Variants in KIF5B observed in about 807,000 individuals in gnomAD.
KIF5B encodes kinesin family member 5B.
KIF5B carries 49 observed loss-of-function variants against 132.8 expected under a neutral mutation model. The observed-to-expected ratio is 0.37, with a 90% CI of 0.29 to 0.47. KIF5B has a LOEUF of 0.47. Ranked by LOEUF, KIF5B falls within the 20% of genes least tolerant of loss-of-function variation. The probability of loss-of-function intolerance (pLI) is 1.00; values close to 1 mark genes in which losing one functional copy is unlikely to be tolerated. For synonymous variants in KIF5B, 355 were observed against 369.4 expected, an observed-to-expected ratio of 0.96 and a Z score of 0.45; for missense variants, 780 against 1,144.0, an observed-to-expected ratio of 0.68 and a Z score of 4.59.
At chr10:32,030,919 T>A (rs1471038885) in intron 14 of KIF5B, among the ~76,000 whole-genome samples, 154 bp downstream of exon 14, 1 of 152,148 alleles carries the variant, frequency 6.6e-6, no homozygotes, top group Non-Finnish European at 1.5e-5. Flanking sequence ...CTCTAAGGCT[T>A]CATATACAGA....
At chr10:32,033,043 A>C (rs1049624972) in intron 12 of KIF5B, among the ~76,000 whole-genome samples, 1 of 152,192 alleles carries the variant, frequency 6.6e-6, no homozygotes, top group African/African-American at 2.4e-5. Context: ...ATTTTCTTCT[A>C]ATCTCTTTAC....
In KIF5B at chr10:32,056,074, G is replaced by C. The variant is rs374831159; in HGVS notation, c.-101C>G. 3.1e-5 allele frequency: 44 copies of C among 1,442,200 alleles called. No homozygotes were observed. The highest frequency in any genetic ancestry group is 4.9e-4 in the Middle Eastern group (2 of 4,058). The allele number at this position is 1,442,200 out of a possible 1,614,324, so 89.3% of individuals were successfully genotyped here. On this transcript the variant is annotated 5_prime_UTR_variant, in exon 1 of 26. Coordinates refer to ENST00000302418, the MANE Select transcript of KIF5B (RefSeq NM_004521.3). ...GGGCTTGTGGTCGCGAGGGCCGTGA[G>C]AGGCAGCAGTCAGCTGCGCCGCGCT...
At chr10:32,030,740 C>T (rs1418371176) in intron 14 of KIF5B, among the ~76,000 whole-genome samples, 2 of 152,128 alleles carry the variant, frequency 1.3e-5, no homozygotes, top group Admixed American at 6.5e-5. Flanking sequence ...TATTGGGCAA[C>T]TAGCAGCTTT....
At chr10:32,039,651 C>T (rs1310544566) in intron 3 of KIF5B, among the ~76,000 whole-genome samples, 1 of 152,136 alleles carries the variant, frequency 6.6e-6, no homozygotes, top group Non-Finnish European at 1.5e-5. Context: ...TTCATTTAAT[C>T]ACTAGATTTA....
At chr10:32,014,005 A>C (rs866044633) in intron 25 of KIF5B, among the ~76,000 whole-genome samples, 81 of 152,340 alleles carry the variant, frequency 5.3e-4, no homozygotes, top group African/African-American at 1.6e-3. Context: ...AGTATAAACA[A>C]GCAACATTAA....
chr10:32,014,804 ATC>A (rs1457852081), intron 25 of KIF5B, among the ~76,000 whole-genome samples: 2 of 152,194 alleles, frequency 1.3e-5, no homozygotes, highest in Admixed American at 6.5e-5. Context: ...TCTGGAAATA[ATC>A]TCTAACAGGT....
At chr10:32,045,857 TA>T (rs1278064377) in intron 2 of KIF5B, among the ~76,000 whole-genome samples, 2 of 152,170 alleles carry the variant, frequency 1.3e-5, no homozygotes, top group Non-Finnish European at 2.9e-5. Flanking sequence ...ATCGTATAGG[TA>T]AGAGGCTCTG....
chr10:32,056,409 G>A lies in KIF5B; in HGVS notation c.-436C>T, dbSNP rs1841766179. The A allele has an allele frequency of 2.8e-5, 5 of 178,004 alleles. No individual in the cohort carries two copies. Among genetic ancestry groups the A allele is most frequent in the Admixed American group, 1.9e-4 (3 of 15,494 alleles). The allele number at this position is 178,004 out of a possible 1,614,324, so 11.0% of individuals were successfully genotyped here. A position where few individuals can be genotyped will look rare whatever the true frequency, so the allele number is the denominator to read the frequency against. On this transcript the variant is annotated 5_prime_UTR_variant, in exon 1 of 26. Coordinates refer to ENST00000302418, the MANE Select transcript of KIF5B (RefSeq NM_004521.3). ...CCGACTGCTGCCCGATCACTCCTGA[G>A]GCCGCCGTTGGGCGACAGGGCGGTG...
At chr10:32,045,545 C>T (rs1419752423) in intron 2 of KIF5B, among the ~76,000 whole-genome samples, 1 of 152,064 alleles carries the variant, frequency 6.6e-6, no homozygotes, top group Non-Finnish European at 1.5e-5. Context: ...GGATTACGTT[C>T]CAGGGATAAA....
At position 32,015,571 on chromosome 10, in the gene KIF5B, G is replaced by A. The variant is rs1192130595; in HGVS notation, c.2850C>T (p.Ser950=). The part of the protein sequence containing the change: ...IRGGGAFVQN[S]QPVAVRGGGG... ...CTCCACCTCGCACTGCCACTGGCTG[G>A]CTGTTCTGAACAAATGCACCTCCTC... The change falls in exon 25 of 26, where the codon AGC becomes AGT. Residue 950 remains serine (S), a synonymous_variant. Transcript: ENST00000302418. 2 of 1,613,414 alleles carry A rather than the reference G, an allele frequency of 1.2e-6. No individual in the cohort carries two copies. The highest frequency in any genetic ancestry group is 2.7e-5 in the African/African-American group (2 of 74,898).
chr10:32,023,058 A>G (rs1397194400), intron 15 of KIF5B, 22 bp from the exon 16 acceptor site: 1 of 1,471,988 alleles, frequency 6.8e-7, no homozygotes, highest in Non-Finnish European at 9.1e-7. Flanking sequence ...AAGTAAAATA[A>G]AAAATTAAAG....
Position 32,035,892 on chromosome 10 carries a change from T to C in KIF5B, c.814A>G (p.Ser272Gly), listed in dbSNP as rs1841455056. 2.5e-6 allele frequency: 4 copies of C among 1,609,498 alleles called. No individual in the cohort carries two copies. Among genetic ancestry groups the C allele is most frequent in the Non-Finnish European group, 3.4e-6 (4 of 1,177,704 alleles). The change falls in exon 9 of 26, where the codon AGT becomes GGT. Residue 272 changes from serine to glycine, a missense_variant and splice_region_variant. Physicochemically the swap from Ser to Gly is moderately conservative, Grantham distance 56. Coordinates refer to ENST00000302418, the MANE Select transcript of KIF5B (RefSeq NM_004521.3). The part of the protein sequence containing the change: ...GNVISALAEG[S>G]TYVPYRDSKM... ...AGATAGAAGACATGTATACTCACAC[T>C]ACCCTCAGCCAAAGCAGAAATAACA...
At chr10:32,024,004 C>T (rs1221143683) in intron 15 of KIF5B, among the ~76,000 whole-genome samples, 2 of 145,016 alleles carry the variant, frequency 1.4e-5, no homozygotes, top group East Asian at 4.0e-4. Context: ...GTAAGTTGGA[C>T]CTCATTAAAA....
Position 32,048,461 on chromosome 10 carries a change from T to C in KIF5B, c.214+3A>G. ...GACAACTCAGCAGGTTGAATATATT[T>C]ACCTTTAACAATCTTCTTTGCACAG... On this transcript the variant is annotated splice_donor_region_variant and intron_variant, in intron 2 of 25. Coordinates refer to ENST00000302418, the MANE Select transcript of KIF5B (RefSeq NM_004521.3). 1 of 1,594,886 alleles carries C rather than the reference T, an allele frequency of 6.3e-7. No individual in the cohort carries two copies. Among genetic ancestry groups the C allele is most frequent in the African/African-American group, 1.3e-5 (1 of 74,514 alleles).
In KIF5B at chr10:32,056,325, C is replaced by G. The variant is rs1841763996; in HGVS notation, c.-352G>C. Reference sequence around the variant, plus strand: ...GACCGGGAGAGTGGCCACCTTCTTCCTCCTCGCGAAGAGCAGGCCGGGCCT... The same window carrying G: ...GACCGGGAGAGTGGCCACCTTCTTCGTCCTCGCGAAGAGCAGGCCGGGCCT... On this transcript the variant is annotated 5_prime_UTR_variant, in exon 1 of 26. Transcript: ENST00000302418. 1 of 273,434 alleles carries G rather than the reference C, an allele frequency of 3.7e-6. No homozygotes were observed. Among genetic ancestry groups the G allele is most frequent in the African/African-American group, 2.3e-5 (1 of 42,694 alleles). The allele number at this position is 273,434 out of a possible 1,614,324, so 16.9% of individuals were successfully genotyped here.
intron 15 of KIF5B, among the ~76,000 whole-genome samples, chr10:32,027,826 C>T (rs971645925): frequency 1.3e-5 from 2 of 151,792 alleles, no homozygotes; most frequent in Admixed American, 6.6e-5. Context: ...TGGTCTCGAA[C>T]TCCTGGGCTC....
chr10:32,045,754 G>A (rs1841599769), intron 2 of KIF5B, among the ~76,000 whole-genome samples: 1 of 152,100 alleles, frequency 6.6e-6, no homozygotes, highest in Admixed American at 6.5e-5. Flanking sequence ...GGTACTTTGG[G>A]CAAATACTAG....
chr10:32,042,510 G>A lies in KIF5B; in HGVS notation c.215-2053C>T, dbSNP rs146835005. On this transcript the variant is annotated intron_variant, in intron 2 of 25. Coordinates refer to ENST00000302418, the MANE Select transcript of KIF5B (RefSeq NM_004521.3). ...TCATAACACTTACCAATGAGTATTC[G>A]ATCAATTTACCTGTCTGCTTTACTC... Among the ~76,000 whole-genome samples, 410 of 152,156 alleles carry A rather than the reference G, an allele frequency of 2.7e-3. 2 individuals are homozygous for A. The highest frequency in any genetic ancestry group is 8.3e-3 in the African/African-American group (346 of 41,508).
chr10:32,023,529 G>A (rs1361070900), intron 15 of KIF5B, among the ~76,000 whole-genome samples: 1 of 152,188 alleles, frequency 6.6e-6, no homozygotes, highest in Non-Finnish European at 1.5e-5. Flanking sequence ...CTGTGCAGAT[G>A]ACATGATTAA....
Sources: gnomAD v4.1 joint callset for allele counts (sites outside exome capture counted in the v4.1 genomes callset) on GRCh38, gnomAD v4.1.1 for gene constraint, MANE v1.5 for transcripts, NCBI Gene and HGNC (gene_info 2026-07-23, HGNC 2026-07-21) for gene names.